Variants in TNIK observed in about 807,000 individuals in gnomAD.
TNIK encodes the protein TRAF2 and NCK interacting kinase.
A neutral mutation model predicts 191.3 loss-of-function variants in TNIK; 49 were observed. The observed-to-expected ratio is 0.26, with a 90% CI of 0.20 to 0.32. TNIK has a LOEUF of 0.32. Ranked by LOEUF, TNIK falls within the 10% of genes least tolerant of loss-of-function variation. The pLI is 1.00. For synonymous variants in TNIK, 594 were observed against 600.9 expected (o/e 0.99, Z 0.17); for missense variants, 1,155 against 1,702.3 (o/e 0.68, Z 5.66).
At chr3:171,450,934 A>G (rs931908069) in intron 1 of TNIK, among the ~76,000 whole-genome samples, 13 of 152,238 alleles carry the variant, frequency 8.5e-5, no homozygotes, top group African/African-American at 3.1e-4. Flanking sequence ...AAAAATTCAG[A>G]TAGTCACGAC....
At chr3:171,082,714 G>A in intron 26 of TNIK, 2 of 221,480 alleles carry the variant, frequency 9.0e-6, no homozygotes, top group South Asian at 1.1e-4. Context: ...TTCCCTGCCT[G>A]GAAAAACCAC....
In TNIK at chr3:171,071,270, T is replaced by C. The variant is rs773562850; in HGVS notation, c.3502A>G (p.Ile1168Val). 1.9e-6 allele frequency: 3 copies of C among 1,606,930 alleles called. No individual in the cohort carries two copies. The highest frequency in any genetic ancestry group is 2.2e-5 in the South Asian group (2 of 89,438). The change falls in exon 29 of 33, where the codon ATA (isoleucine) becomes GTA (valine). Residue 1168 changes from isoleucine (I) to valine (V), a missense_variant. This residue lies in a region of TNIK where 195 missense variants were observed against 415.4 expected (regional missense o/e 0.47). Coordinates refer to ENST00000436636, the MANE Select transcript of TNIK (RefSeq NM_015028.4). Reference sequence around the variant, plus strand: ...TACGGTTTAGGAGCCCAAGCATATATTTCCACAGCATTCTTTAAGGCAATC... The same window carrying C: ...TACGGTTTAGGAGCCCAAGCATATACTTCCACAGCATTCTTTAAGGCAATC... ...LVIALKNAVE[I>V]YAWAPKPYHK...
intron 4 of TNIK, among the ~76,000 whole-genome samples, chr3:171,209,971 A>G (rs986082961): frequency 2.0e-5 from 3 of 152,186 alleles, no homozygotes; most frequent in Non-Finnish European, 4.4e-5. Flanking sequence ...TGAAATAGCC[A>G]TTACTGGATC....
At chr3:171,357,953 T>A (rs1176319092) in intron 2 of TNIK, among the ~76,000 whole-genome samples, 1 of 151,988 alleles carries the variant, frequency 6.6e-6, no homozygotes, top group Non-Finnish European at 1.5e-5. Flanking sequence ...TGTAGAACTG[T>A]GCTCCCTGGA....
chr3:171,242,144 C>T (rs1291905394), intron 2 of TNIK, among the ~76,000 whole-genome samples: 2 of 142,152 alleles, frequency 1.4e-5, no homozygotes, highest in Admixed American at 1.5e-4. Flanking sequence ...TGCATTTGTA[C>T]CCTAGAACTT....
intron 4 of TNIK, among the ~76,000 whole-genome samples, chr3:171,208,046 T>G (rs1329044950): frequency 1.3e-5 from 2 of 152,084 alleles, no homozygotes; most frequent in Non-Finnish European, 2.9e-5. Context: ...AAGAGAAATT[T>G]CAGGCCAGGT....
chr3:171,137,108 CT>C (rs71176593), intron 15 of TNIK, among the ~76,000 whole-genome samples: 1,877 of 104,102 alleles, frequency 0.018, 24 homozygotes, highest in African/African-American at 0.061. Flanking sequence ...TTTAAAAATC[CT>C]TTTTTTTTTT....
At chr3:171,352,790 C>T (rs1713416861) in intron 2 of TNIK, among the ~76,000 whole-genome samples, 1 of 152,134 alleles carries the variant, frequency 6.6e-6, no homozygotes, top group Admixed American at 6.5e-5. Flanking sequence ...TCTTAAATTG[C>T]TTGGTAAACG....
chr3:171,107,156 G>T, intron 21 of TNIK, 27 bp downstream of exon 21: 1 of 1,602,012 alleles, frequency 6.2e-7, no homozygotes, highest in Non-Finnish European at 8.5e-7. Context: ...TTTTGTGAAA[G>T]CATGACCAAG....
At chr3:171,112,172 G>T (rs1038071797) in intron 18 of TNIK, among the ~76,000 whole-genome samples, 22 of 152,304 alleles carry the variant, frequency 1.4e-4, no homozygotes, top group Admixed American at 1.2e-3. Context: ...GTTATACACT[G>T]TAAATAGATA....
At chr3:171,266,797 G>C (rs910203164) in intron 2 of TNIK, among the ~76,000 whole-genome samples, 7 of 152,300 alleles carry the variant, frequency 4.6e-5, no homozygotes, top group Non-Finnish European at 1.0e-4. Context: ...CCAGAAGTCA[G>C]TGTCTTCCAA....
Position 171,409,029 on chromosome 3 carries a change from A to C in TNIK, c.58-39344T>G, listed in dbSNP as rs553810121. Among the ~76,000 whole-genome samples the C allele has an allele frequency of 2.0e-5, 3 of 151,994 alleles. No individual in the cohort carries two copies. In the East Asian group the frequency reaches 5.8e-4, roughly 29 times the overall value. ...CAGCCCCCTTCAGGGACACTAATAT[A>C]AAAGTGTCCCTGAGGGGGGATGAAC... On this transcript the variant is annotated intron_variant, in intron 1 of 32. Transcript: ENST00000436636.
At chr3:171,342,978 A>G (rs1056079057) in intron 2 of TNIK, among the ~76,000 whole-genome samples, 6 of 152,208 alleles carry the variant, frequency 3.9e-5, no homozygotes, top group African/African-American at 1.2e-4. Context: ...CATGTAAGAC[A>G]TGCCTTTGCT....
chr3:171,193,629 T>G (rs1216283314), intron 5 of TNIK, among the ~76,000 whole-genome samples: 30 of 152,202 alleles, frequency 2.0e-4, no homozygotes, highest in Non-Finnish European at 1.5e-5. Context: ...TTTTTTAACT[T>G]CTATCCATTT....
chr3:171,064,393 C>A (rs1368434456), intron 32 of TNIK, among the ~76,000 whole-genome samples: 3 of 152,178 alleles, frequency 2.0e-5, no homozygotes, highest in Non-Finnish European at 2.9e-5. Flanking sequence ...AAGGGAATCC[C>A]TTCAAATTCT....
chr3:171,113,520 G>A (rs1320311994), intron 18 of TNIK, among the ~76,000 whole-genome samples: 1 of 151,988 alleles, frequency 6.6e-6, no homozygotes, highest in East Asian at 1.9e-4. Context: ...GCAGGAGAAT[G>A]GCGTGAATCC....
chr3:171,290,488 C>T lies in TNIK; in HGVS notation c.124-62267G>A, dbSNP rs540127675. On this transcript the variant is annotated intron_variant, in intron 2 of 32. Transcript: ENST00000436636. ...TAAGGTCTCAGTAGAGTGCCTGGCA[C>T]ACAATAGATATGTGAGAAATGGCAA... Among the ~76,000 whole-genome samples, 4 of 152,190 alleles carry T rather than the reference C, an allele frequency of 2.6e-5. No homozygotes were observed. The East Asian group carries it at 7.7e-4, about 29-fold the overall frequency.
At chr3:171,443,860 C>T (rs1009645102) in intron 1 of TNIK, among the ~76,000 whole-genome samples, 2 of 152,046 alleles carry the variant, frequency 1.3e-5, no homozygotes, top group African/African-American at 4.8e-5. Context: ...TGAACAATTC[C>T]CTGATACTTT....
Position 171,093,800 on chromosome 3 carries a change from A to T in TNIK, c.2721+39T>A, listed in dbSNP as rs760660122. On this transcript the variant is annotated intron_variant, in intron 23 of 32. Transcript: ENST00000436636. ...AGCTTTAATGTAAAAACCACTGAAG[A>T]AATGGCATTTCCTCTACACAGTTTT... 15 of 1,609,234 alleles carry T rather than the reference A, an allele frequency of 9.3e-6. No individual in the cohort carries two copies. The East Asian group carries it at 2.5e-4, about 26-fold the overall frequency.
Sources: allele counts gnomAD v4.1 joint callset (sites outside exome capture counted in the v4.1 genomes callset), GRCh38; gene constraint gnomAD v4.1.1; regional missense constraint gnomAD v4.1.1; transcripts MANE v1.5; gene names NCBI Gene and HGNC (gene_info 2026-07-23, HGNC 2026-07-21).